VWA2: variants seen among roughly 807,000 people sequenced by gnomAD.
VWA2 encodes the protein von Willebrand factor A domain-containing protein 2.
Under a neutral mutation model 70.4 loss-of-function variants are expected in VWA2, and 73 were observed. The observed-to-expected ratio is 1.04, with a 90% CI of 0.86 to 1.26. The LOEUF (loss-of-function observed/expected upper bound fraction) is 1.26, where lower values mean the gene tolerates loss of function less well. VWA2 is among the 50% of genes most tolerant of loss of function. The probability of loss-of-function intolerance (pLI) is 0.00; values close to 1 mark genes in which losing one functional copy is unlikely to be tolerated. For synonymous variants in VWA2, 407 were observed against 423.3 expected (o/e 0.96, Z 0.47); for missense variants, 1,011 against 998.5 (o/e 1.01, Z -0.17).
rs2039274917 is a variant in VWA2, at chr10:114,289,135, A to T, written c.1768A>T (p.Thr590Ser). The change falls in exon 12 of 14, where the codon ACC becomes TCC. Residue 590 changes from threonine (T) to serine (S), a missense_variant. By Grantham distance (58) the Thr-to-Ser change is moderately conservative. Transcript: ENST00000392982. ...QTAFGLDTKPTRAAMLRAISQ... is the reference protein window; with the variant it reads ...QTAFGLDTKPSRAAMLRAISQ... ...TGCCTTCGGGCTGGACACCAAACCCACCCGGGCTGCGATGCTGCGGGCCAT... is the reference window on the plus strand; with the variant it reads ...TGCCTTCGGGCTGGACACCAAACCCTCCCGGGCTGCGATGCTGCGGGCCAT... 6.2e-7 allele frequency: 1 copy of T among 1,613,486 alleles called. No homozygotes were observed. The highest frequency in any genetic ancestry group is 1.7e-5 in the Admixed American group (1 of 59,960).
At chr10:114,261,116 C>T (rs2037435689) in intron 4 of VWA2, 70 bp from the exon 5 acceptor site, 2 of 1,151,632 alleles carry the variant, frequency 1.7e-6, no homozygotes, top group East Asian at 2.4e-5. Flanking sequence ...CTTTTCTTGC[C>T]CCTTCTTTCC....
intron 5 of VWA2, among the ~76,000 whole-genome samples, chr10:114,265,678 G>A (rs1564721864): frequency 1.3e-5 from 2 of 152,150 alleles, no homozygotes; most frequent in Non-Finnish European, 2.9e-5. Flanking sequence ...AAGGGCTTGA[G>A]AGCATTATTT....
intron 5 of VWA2, among the ~76,000 whole-genome samples, chr10:114,267,540 C>T (rs528518804): frequency 1.3e-5 from 2 of 152,156 alleles, no homozygotes; most frequent in East Asian, 3.9e-4. Context: ...TCAAGCGATT[C>T]TCCTGCCTCA....
intron 11 of VWA2, 26 bp downstream of exon 11, chr10:114,286,537 A>T (rs2038927637): frequency 6.6e-7 from 1 of 1,515,008 alleles, no homozygotes; most frequent in Admixed American, 2.0e-5. Flanking sequence ...CTGACCCAGG[A>T]CCGCTGGTCA....
At chr10:114,245,761 G>A (rs1452057187) in intron 1 of VWA2, among the ~76,000 whole-genome samples, 5 of 152,162 alleles carry the variant, frequency 3.3e-5, no homozygotes, top group Non-Finnish European at 4.4e-5. Context: ...ACTGGCTCTT[G>A]CCATGTTAGG....
intron 5 of VWA2, among the ~76,000 whole-genome samples, chr10:114,266,450 C>G (rs1035001978): frequency 2.6e-5 from 4 of 152,102 alleles, no homozygotes; most frequent in African/African-American, 9.7e-5. Context: ...ATGTTAGATG[C>G]TTGACTGATT....
At chr10:114,268,368 CT>C (rs2037620250) in intron 5 of VWA2, among the ~76,000 whole-genome samples, 1 of 151,918 alleles carries the variant, frequency 6.6e-6, no homozygotes, top group Non-Finnish European at 1.5e-5. Flanking sequence ...TGGTGAGACT[CT>C]GGCCTCAGAG....
At chr10:114,259,560 G>A (rs532737320) in intron 4 of VWA2, among the ~76,000 whole-genome samples, 77 of 150,878 alleles carry the variant, frequency 5.1e-4, no homozygotes, top group African/African-American at 1.8e-3. Flanking sequence ...CTTTTTACAC[G>A]TTGAAATTTT....
intron 3 of VWA2, 21 bp downstream of exon 3, chr10:114,253,746 A>G: frequency 6.2e-7 from 1 of 1,609,992 alleles, no homozygotes; most frequent in Non-Finnish European, 8.5e-7. Flanking sequence ...GTTCTTCTTA[A>G]CCCTCCAGAT....
rs371286211 is a variant in VWA2, at chr10:114,292,606, G to A, written c.*1369G>A. Among the ~76,000 whole-genome samples the A allele has an allele frequency of 1.3e-5, 2 of 150,536 alleles. No homozygotes were observed. Among genetic ancestry groups the A allele is most frequent in the Non-Finnish European group, 3.0e-5 (2 of 67,784 alleles). Reference sequence around the variant, plus strand: ...ACTAGATACTTACTTCCCTATCGCTGCAGTATTTAGGAATTACTTCTTCTC... The same window carrying A: ...ACTAGATACTTACTTCCCTATCGCTACAGTATTTAGGAATTACTTCTTCTC... On this transcript the variant is annotated 3_prime_UTR_variant, in exon 14 of 14. Transcript: ENST00000392982.
rs139388383 is a variant in VWA2 at position 114,246,003 on chromosome 10, G to T, written c.-10-2701G>T. On this transcript the variant is annotated intron_variant, in intron 1 of 13. Coordinates refer to ENST00000392982, the MANE Select transcript of VWA2 (RefSeq NM_001272046.2). Reference sequence around the variant, plus strand: ...TAACCACACAGTCTGAGAATATTGGGTGGTCAGTACATGCTCCATCCTCCA... The same window carrying T: ...TAACCACACAGTCTGAGAATATTGGTTGGTCAGTACATGCTCCATCCTCCA... The T allele has an allele frequency of 1.4e-3, 762 of 561,432 alleles. 1 individual carries two copies. The highest frequency in any genetic ancestry group is 2.0e-3 in the Non-Finnish European group (579 of 291,656). 34.8% of individuals were successfully genotyped at this position (561,432 alleles called of 1,614,324 possible).
chr10:114,258,414 T>C (rs2037375635), intron 4 of VWA2, among the ~76,000 whole-genome samples: 1 of 152,196 alleles, frequency 6.6e-6, no homozygotes, highest in Admixed American at 6.5e-5. Context: ...GGCTCTAATG[T>C]AGTGACTGGG....
At chr10:114,276,475 C>CA (rs1263893556) in intron 6 of VWA2, among the ~76,000 whole-genome samples, 2 of 151,862 alleles carry the variant, frequency 1.3e-5, no homozygotes, top group African/African-American at 4.8e-5. Context: ...AGCAATAAAG[C>CA]AAAAAAACTG....
At chr10:114,240,367 G>A (rs1406294855) in intron 1 of VWA2, among the ~76,000 whole-genome samples, 1 of 152,192 alleles carries the variant, frequency 6.6e-6, no homozygotes, top group African/African-American at 2.4e-5. Context: ...AAACTTGCTG[G>A]GGGCACCAGA....
At chr10:114,240,281 G>T (rs1362420437) in intron 1 of VWA2, among the ~76,000 whole-genome samples, 1 of 152,164 alleles carries the variant, frequency 6.6e-6, no homozygotes, top group Non-Finnish European at 1.5e-5. Flanking sequence ...TAGCTAAGCC[G>T]ACCTTTCCCT....
chr10:114,285,419 C>G (rs180702991), intron 10 of VWA2, among the ~76,000 whole-genome samples: 19 of 152,342 alleles, frequency 1.2e-4, no homozygotes, highest in Admixed American at 4.6e-4. Flanking sequence ...TAAGATTATG[C>G]AAAGTGCTTA....
At position 114,279,957 on chromosome 10, in the gene VWA2, G is replaced by A. The variant is rs540586051; in HGVS notation, c.833+1106G>A. On this transcript the variant is annotated intron_variant, in intron 8 of 13. Coordinates refer to ENST00000392982, the MANE Select transcript of VWA2 (RefSeq NM_001272046.2). ...GGGCAAGGCGCTCAGAGCCGGGAGC[G>A]GCTGGAAGAGGCTGGTGGCTGCAGT... Among the ~76,000 whole-genome samples the A allele has an allele frequency of 3.5e-4, 54 of 152,328 alleles. 1 individual carries two copies. Among genetic ancestry groups the A allele is most frequent in the African/African-American group, 1.2e-3 (50 of 41,568 alleles).
chr10:114,293,040 T>C lies in VWA2; in HGVS notation c.*1803T>C, dbSNP rs1210788326. On this transcript the variant is annotated 3_prime_UTR_variant, in exon 14 of 14. Coordinates refer to ENST00000392982, the MANE Select transcript of VWA2 (RefSeq NM_001272046.2). ...TTTATAAATATTGTAACATAATGTT[T>C]TATAGACAAACATTCAAGGGTACTT... is the stretch of plus-strand genomic sequence containing the variant. Among the ~76,000 whole-genome samples, 1 of 152,198 alleles carries C rather than the reference T, an allele frequency of 6.6e-6. No homozygotes were observed. The highest frequency in any genetic ancestry group is 2.4e-5 in the African/African-American group (1 of 41,442).
chr10:114,266,298 A>G (rs1481888428), intron 5 of VWA2, among the ~76,000 whole-genome samples: 1 of 152,158 alleles, frequency 6.6e-6, no homozygotes, highest in African/African-American at 2.4e-5. Context: ...CTCCGTCTCA[A>G]AGAAAAAAAA....
Sources: allele counts gnomAD v4.1 joint callset (sites outside exome capture counted in the v4.1 genomes callset), GRCh38; gene constraint gnomAD v4.1.1; transcripts MANE v1.5; gene names NCBI Gene and HGNC (gene_info 2026-07-23, HGNC 2026-07-21).